The following TMEFF2 variants were observed in gnomAD, a reference collection of about 807,000 sequenced individuals.
The protein encoded by TMEFF2 is transmembrane protein with EGF like and two follistatin like domains 2, also known as tomoregulin-2.
In TMEFF2, 28 loss-of-function variants were observed where a neutral mutation model predicts 53.8. The observed-to-expected ratio is 0.52, with a 90% confidence interval of 0.39 to 0.71. The LOEUF is 0.71. Ranked by LOEUF, TMEFF2 falls within the 30% of genes least tolerant of loss-of-function variation. The pLI, the probability that TMEFF2 is intolerant of heterozygous loss-of-function variation, is 0.00. For missense variants in TMEFF2, 353 were observed against 455.2 expected (o/e 0.78, Z 2.04); for synonymous variants, 162 against 166.3 (o/e 0.97, Z 0.20).
chr2:192,133,676 T>C (rs1029969387), intron 4 of TMEFF2, among the ~76,000 whole-genome samples: 4 of 152,218 alleles, frequency 2.6e-5, no homozygotes, highest in African/African-American at 4.8e-5. Context: ...ACGTGCTTTC[T>C]TTACTACTCC....
chr2:191,983,391 C>CTTTTT (rs11396477), intron 7 of TMEFF2, among the ~76,000 whole-genome samples: 4 of 144,394 alleles, frequency 2.8e-5, no homozygotes, highest in African/African-American at 1.0e-4. Flanking sequence ...GCATCTTAGC[C>CTTTTT]TTTTTTTTTT....
chr2:192,188,542 T>C (rs1288978081), intron 2 of TMEFF2, among the ~76,000 whole-genome samples: 1 of 152,208 alleles, frequency 6.6e-6, no homozygotes, highest in Non-Finnish European at 1.5e-5. Context: ...GGCAGATTCA[T>C]CAACAAAATA....
chr2:191,996,170 ATGACTT>A (rs1686216733), intron 7 of TMEFF2, among the ~76,000 whole-genome samples: 2 of 151,972 alleles, frequency 1.3e-5, no homozygotes, highest in Admixed American at 1.3e-4. Flanking sequence ...TGCAATATGA[ATGACTT>A]TGAGAGATCA....
intron 5 of TMEFF2, among the ~76,000 whole-genome samples, chr2:192,023,672 CTCTG>C (rs36130103): frequency 0.24 from 36,668 of 151,688 alleles, 4,898 homozygotes; most frequent in Non-Finnish European, 0.33. Flanking sequence ...TTTTTCATAT[CTCTG>C]TCTGTCTGTT....
intron 5 of TMEFF2, among the ~76,000 whole-genome samples, chr2:192,007,598 G>A (rs966856940): frequency 3.9e-5 from 6 of 152,156 alleles, no homozygotes; most frequent in Non-Finnish European, 8.8e-5. Flanking sequence ...TGAACACAAC[G>A]CTCTAGACAG....
At chr2:192,071,777 A>G (rs1295538052) in intron 4 of TMEFF2, among the ~76,000 whole-genome samples, 1 of 151,910 alleles carries the variant, frequency 6.6e-6, no homozygotes, top group African/African-American at 2.4e-5. Flanking sequence ...GCAAGAAAAA[A>G]TCTGTACATG....
At chr2:191,984,836 A>G (rs1685938658) in intron 7 of TMEFF2, among the ~76,000 whole-genome samples, 1 of 152,136 alleles carries the variant, frequency 6.6e-6, no homozygotes, top group Admixed American at 6.6e-5. Flanking sequence ...AGTGGGGAAC[A>G]GAACTACGTG....
intron 3 of TMEFF2, among the ~76,000 whole-genome samples, chr2:192,183,311 T>C (rs1326971171): frequency 6.6e-6 from 1 of 152,028 alleles, no homozygotes; most frequent in African/African-American, 2.4e-5. Flanking sequence ...TTTTAAAGAA[T>C]ATGAGGCTTT....
At chr2:192,001,643 G>A (rs994266683) in intron 5 of TMEFF2, among the ~76,000 whole-genome samples, 10 of 152,054 alleles carry the variant, frequency 6.6e-5, no homozygotes, top group African/African-American at 2.4e-4. Flanking sequence ...GAATCATGGG[G>A]GCAGGTATTT....
chr2:192,052,642 TTC>T (rs1456172963), intron 5 of TMEFF2, among the ~76,000 whole-genome samples: 2 of 72,788 alleles, frequency 2.7e-5, no homozygotes, highest in Non-Finnish European at 7.7e-5. Context: ...TAAGCCATTC[TTC>T]TTCTTTATAA....
At chr2:192,157,995 C>T (rs185363019) in intron 4 of TMEFF2, among the ~76,000 whole-genome samples, 21 of 152,116 alleles carry the variant, frequency 1.4e-4, no homozygotes, top group Admixed American at 3.3e-4. Flanking sequence ...TTTTAGTCTA[C>T]CAGTGGTACA....
chr2:192,178,545 T>G (rs1241286399), intron 4 of TMEFF2: 1 of 151,024 alleles, frequency 6.6e-6, no homozygotes, highest in African/African-American at 2.4e-5. Context: ...TGTTTCAATC[T>G]GCTGCTGTTC....
rs531170290 is a variant in TMEFF2 at position 191,961,411 on chromosome 2, A to G, written c.746-5033T>C. 3.9e-5 allele frequency among the ~76,000 whole-genome samples: 6 copies of G among 152,294 alleles called. No homozygotes were observed. In the South Asian group the frequency reaches 1.2e-3, roughly 32 times the overall value. On this transcript the variant is annotated intron_variant, in intron 7 of 9. Transcript: ENST00000272771. Reference sequence around the variant, plus strand: ...AAAATTTTCAGTTTTGAATGTGTTTATGTAATCTTGCTATTTTTTACATGT... The same window carrying G: ...AAAATTTTCAGTTTTGAATGTGTTTGTGTAATCTTGCTATTTTTTACATGT...
chr2:192,087,175 TC>T (rs1168978335), intron 4 of TMEFF2, among the ~76,000 whole-genome samples: 1 of 152,010 alleles, frequency 6.6e-6, no homozygotes, highest in Non-Finnish European at 1.5e-5. Context: ...TTTTGTCTGT[TC>T]ATTCAGAAAA....
chr2:192,124,596 G>A (rs34981217), intron 4 of TMEFF2, among the ~76,000 whole-genome samples: 49,982 of 152,042 alleles, frequency 0.33, 10,162 homozygotes, highest in Non-Finnish European at 0.47. Context: ...TCTTCTGGAT[G>A]GATAAGATCA....
In TMEFF2 at chr2:191,950,467, A is replaced by ACAAT. The variant is rs1253469206; in HGVS notation, c.1029-64_1029-61dup. ...ATGCTATTACCTAAAGTTTGGCCCT[A>ACAAT]CAATCACAGAATAAAGATGTGGATT... On this transcript the variant is annotated intron_variant, in intron 9 of 9. Transcript: ENST00000272771. 18 of 1,610,668 alleles carry ACAAT rather than the reference A, an allele frequency of 1.1e-5. No individual in the cohort carries two copies. The African/African-American group carries it at 1.5e-4, about 13-fold the overall frequency.
intron 1 of TMEFF2, among the ~76,000 whole-genome samples, chr2:192,192,228 C>T (rs1239326663): frequency 6.6e-6 from 1 of 151,964 alleles, no homozygotes; most frequent in Non-Finnish European, 1.5e-5. Flanking sequence ...TCTGATAGTG[C>T]TATTTTTTAA....
intron 5 of TMEFF2, among the ~76,000 whole-genome samples, chr2:192,037,612 GAGAA>G (rs1288888789): frequency 7.7e-4 from 86 of 111,934 alleles, no homozygotes; most frequent in African/African-American, 1.9e-3. Flanking sequence ...GTGTGTGAGA[GAGAA>G]AGAGAGAGAG....
rs535953153 is a variant in TMEFF2, at chr2:191,979,857, GATCT to G, written c.745+18401_745+18404del. On this transcript the variant is annotated intron_variant, in intron 7 of 9. Transcript: ENST00000272771. ...CTATATATATCTCTATCTATCTATC[GATCT>G]ATCTATCTATCTATATGTTTTAGCA... 3.3e-4 allele frequency among the ~76,000 whole-genome samples: 50 copies of G among 150,720 alleles called. 1 individual carries two copies. The highest frequency in any genetic ancestry group is 1.9e-3 in the South Asian group (9 of 4,762).
Sources: gnomAD v4.1 joint callset for allele counts (sites outside exome capture counted in the v4.1 genomes callset) on GRCh38, gnomAD v4.1.1 for gene constraint, MANE v1.5 for transcripts, NCBI Gene and HGNC (gene_info 2026-07-23, HGNC 2026-07-21) for gene names.